DOCK2: variants seen among roughly 807,000 people sequenced by gnomAD.
DOCK2 encodes dedicator of cytokinesis 2, also known as dedicator of cytokinesis protein 2.
Under a neutral mutation model 248.9 loss-of-function variants are expected in DOCK2, and 87 were observed. The ratio of observed to expected loss-of-function variants is 0.35; its 90% CI spans 0.29 to 0.42. The LOEUF (loss-of-function observed/expected upper bound fraction) is 0.42. DOCK2 is among the 10% of genes least tolerant of loss of function. DOCK2 has a pLI of 1.00. For missense variants in DOCK2, 1,747 were observed against 2,300.2 expected (o/e 0.76, Z 4.92); for synonymous variants, 805 against 821.6 (o/e 0.98, Z 0.35).
chr5:170,061,294 G>A lies in DOCK2; in HGVS notation c.4467+3628G>A, dbSNP rs575104737. On this transcript the variant is annotated intron_variant, in intron 44 of 51. Coordinates refer to ENST00000520908, the MANE Select transcript of DOCK2 (RefSeq NM_004946.3). Reference sequence around the variant, plus strand: ...TCCCAACAGCCCGTTGATAGCAAGTGTGGTATCAAAGCTTGATTTACGTGT... The same window carrying A: ...TCCCAACAGCCCGTTGATAGCAAGTATGGTATCAAAGCTTGATTTACGTGT... Among the ~76,000 whole-genome samples the A allele has an allele frequency of 2.0e-5, 3 of 152,368 alleles. No individual in the cohort carries two copies. The East Asian group carries it at 5.8e-4, about 29-fold the overall frequency.
intron 19 of DOCK2, 52 bp from the exon 20 acceptor site, chr5:169,716,161 C>T (rs1761903885): frequency 6.6e-7 from 1 of 1,524,110 alleles, no homozygotes; most frequent in African/African-American, 1.4e-5. Flanking sequence ...TGCTGGTTCA[C>T]CTGTACTTTG....
intron 25 of DOCK2, among the ~76,000 whole-genome samples, chr5:169,799,739 T>C (rs1199061774): frequency 6.6e-6 from 1 of 152,182 alleles, no homozygotes; most frequent in Admixed American, 6.6e-5. Context: ...ACTTTCTTCC[T>C]TATCTTTCTA....
chr5:169,790,210 C>T (rs1377267402), intron 25 of DOCK2, among the ~76,000 whole-genome samples: 1 of 152,172 alleles, frequency 6.6e-6, no homozygotes, highest in African/African-American at 2.4e-5. Context: ...GCTTTTAATG[C>T]ATGATTTTCC....
intron 27 of DOCK2, among the ~76,000 whole-genome samples, chr5:169,921,097 T>C (rs942709900): frequency 6.6e-5 from 10 of 152,212 alleles, no homozygotes; most frequent in Admixed American, 1.3e-4. Context: ...AGTGTTTTGC[T>C]TCCATAAGGG....
chr5:169,804,519 G>T (rs979772061), intron 26 of DOCK2, among the ~76,000 whole-genome samples: 1 of 147,698 alleles, frequency 6.8e-6, no homozygotes. Flanking sequence ...TTTTTGTCAA[G>T]GAAGCCTACA....
Position 169,866,225 on chromosome 5 carries a change from C to T in DOCK2, c.2799+25373C>T, listed in dbSNP as rs529665597. Among the ~76,000 whole-genome samples, 8 of 152,326 alleles carry T rather than the reference C, an allele frequency of 5.3e-5. No individual in the cohort carries two copies. In the East Asian group the frequency reaches 7.7e-4, roughly 15 times the overall value. On this transcript the variant is annotated intron_variant, in intron 27 of 51. Coordinates refer to ENST00000520908, the MANE Select transcript of DOCK2 (RefSeq NM_004946.3). ...CTTCTCCTCCACTTACATGCCTTCT[C>T]TTTCTGTTCTCTCTGGCCCTCTCTA...
intron 1 of DOCK2, among the ~76,000 whole-genome samples, chr5:169,653,445 A>T (rs1375662346): frequency 6.6e-6 from 1 of 152,192 alleles, no homozygotes; most frequent in Non-Finnish European, 1.5e-5. Context: ...GGTTTGGAGG[A>T]GTCTGGAGAC....
chr5:169,870,901 T>TATACATAC (rs3079668), intron 27 of DOCK2, among the ~76,000 whole-genome samples: 3 of 151,504 alleles, frequency 2.0e-5, no homozygotes, highest in Admixed American at 6.6e-5. Context: ...CTGGGTGGCT[T>TATACATAC]ATACATACAT....
At chr5:169,974,992 G>C (rs1368862650) in intron 27 of DOCK2, among the ~76,000 whole-genome samples, 1 of 152,154 alleles carries the variant, frequency 6.6e-6, no homozygotes, top group Non-Finnish European at 1.5e-5. Flanking sequence ...TTTAACCAGA[G>C]ACTGGGAGCC....
Position 169,655,371 on chromosome 5 carries a change from C to T in DOCK2, c.127+885C>T, listed in dbSNP as rs117402426. ...AGTGTATTGAGCACATAGGCCTGTT[C>T]TGCCCCCAGTGAATCCATTAGAGGA... On this transcript the variant is annotated intron_variant, in intron 2 of 51. Transcript: ENST00000520908. 1.2e-4 allele frequency among the ~76,000 whole-genome samples: 19 copies of T among 152,304 alleles called. No individual in the cohort carries two copies. The East Asian group carries it at 3.7e-3, about 29-fold the overall frequency.
chr5:170,047,657 G>T (rs1265565230), intron 40 of DOCK2, 43 bp downstream of exon 40: 1 of 1,559,022 alleles, frequency 6.4e-7, no homozygotes, highest in Non-Finnish European at 8.8e-7. Flanking sequence ...GAGCCCCAGG[G>T]CCTCGGCATC....
intron 2 of DOCK2, among the ~76,000 whole-genome samples, chr5:169,655,399 C>T (rs1561572409): frequency 6.6e-6 from 1 of 152,170 alleles, no homozygotes; most frequent in Non-Finnish European, 1.5e-5. Context: ...TTAGAGGAGG[C>T]CCTGGGGAGG....
chr5:169,727,125 G>A (rs960306367), intron 22 of DOCK2, among the ~76,000 whole-genome samples: 6 of 150,346 alleles, frequency 4.0e-5, no homozygotes, highest in African/African-American at 1.2e-4. Context: ...TCCATGGGAC[G>A]AAAGAGACTC....
intron 4 of DOCK2, 111 bp from the exon 5 acceptor site, chr5:169,670,967 A>G: frequency 1.2e-6 from 1 of 800,980 alleles, no homozygotes; most frequent in Non-Finnish European, 2.1e-6. Context: ...GTTTTAGTCT[A>G]ATGTCAGGAA....
chr5:169,909,182 CTGTCCAGTA>C (rs1302030685), intron 27 of DOCK2, among the ~76,000 whole-genome samples: 1 of 152,220 alleles, frequency 6.6e-6, no homozygotes, highest in Non-Finnish European at 1.5e-5. Flanking sequence ...CTATGATGTG[CTGTCCAGTA>C]TGGGAACCTT....
chr5:169,997,539 G>T (rs1754690021), intron 30 of DOCK2, among the ~76,000 whole-genome samples: 1 of 135,058 alleles, frequency 7.4e-6, no homozygotes, highest in South Asian at 2.6e-4. Flanking sequence ...AGAGGTCCCT[G>T]CGGCCTTCCG....
chr5:169,771,867 G>T (rs1262225211), intron 25 of DOCK2, among the ~76,000 whole-genome samples: 1 of 152,138 alleles, frequency 6.6e-6, no homozygotes, highest in African/African-American at 2.4e-5. Context: ...TATAATTTTA[G>T]TTTTGATACA....
At chr5:169,773,304 A>G (rs1765199681) in intron 25 of DOCK2, 1 of 152,214 alleles carries the variant, frequency 6.6e-6, no homozygotes, top group African/African-American at 2.4e-5. Context: ...TTGGCATACA[A>G]TCAAGGAAAA....
intron 14 of DOCK2, among the ~76,000 whole-genome samples, chr5:169,703,498 G>C (rs1432280162): frequency 6.6e-6 from 1 of 152,152 alleles, no homozygotes; most frequent in African/African-American, 2.4e-5. Flanking sequence ...GGCCCTCTGA[G>C]ACACTTCACT....
Sources: allele counts gnomAD v4.1 joint callset (sites outside exome capture counted in the v4.1 genomes callset), GRCh38; gene constraint gnomAD v4.1.1; transcripts MANE v1.5; gene names NCBI Gene and HGNC (gene_info 2026-07-23, HGNC 2026-07-21).